The following NEK7 variants were observed in gnomAD, a reference collection of about 807,000 sequenced individuals.
The protein encoded by NEK7 is serine/threonine-protein kinase Nek7.
In NEK7, 18 loss-of-function variants were observed where a neutral mutation model predicts 44.6. The observed-to-expected ratio is 0.40, with a 90% CI of 0.28 to 0.60. The LOEUF (loss-of-function observed/expected upper bound fraction) is 0.60. NEK7 is among the 20% of genes least tolerant of loss of function. The probability of loss-of-function intolerance (pLI) is 0.38; values close to 1 mark genes in which losing one functional copy is unlikely to be tolerated. For synonymous variants in NEK7, 130 were observed against 121.1 expected (o/e 1.07, Z -0.48); for missense variants, 256 against 366.5 (o/e 0.70, Z 2.46).
At chr1:198,186,178 G>T (rs927960094) in intron 1 of NEK7, among the ~76,000 whole-genome samples, 2 of 152,096 alleles carry the variant, frequency 1.3e-5, no homozygotes, top group Non-Finnish European at 2.9e-5. Context: ...GGATGTATTT[G>T]AAATTATTTC....
At chr1:198,307,993 C>T (rs558134977) in intron 9 of NEK7, among the ~76,000 whole-genome samples, 1 of 152,226 alleles carries the variant, frequency 6.6e-6, no homozygotes, top group African/African-American at 2.4e-5. Context: ...TGGGTTCCAA[C>T]TCAAGTTCCA....
chr1:198,283,639 CTTA>C (rs1276941044), intron 7 of NEK7, among the ~76,000 whole-genome samples: 16 of 151,938 alleles, frequency 1.1e-4, no homozygotes, highest in Non-Finnish European at 2.1e-4. Context: ...TGAATTTTGC[CTTA>C]TTATTTGTCA....
At chr1:198,246,688 T>G (rs999960523) in intron 2 of NEK7, among the ~76,000 whole-genome samples, 10 of 152,274 alleles carry the variant, frequency 6.6e-5, no homozygotes, top group Non-Finnish European at 1.5e-4. Context: ...AAGACTTTGC[T>G]CTCAGCATGC....
chr1:198,278,694 T>C (rs1408179665), intron 6 of NEK7, among the ~76,000 whole-genome samples: 1 of 151,770 alleles, frequency 6.6e-6, no homozygotes. Context: ...TTTTTGAAAA[T>C]GGAAAACAAA....
intron 1 of NEK7, among the ~76,000 whole-genome samples, chr1:198,207,603 G>T (rs1011514611): frequency 6.6e-6 from 1 of 152,106 alleles, no homozygotes; most frequent in East Asian, 1.9e-4. Flanking sequence ...TATTCAAAAG[G>T]CTTCATTTAT....
At chr1:198,182,118 G>T (rs558704112) in intron 1 of NEK7, among the ~76,000 whole-genome samples, 1 of 152,194 alleles carries the variant, frequency 6.6e-6, no homozygotes, top group African/African-American at 2.4e-5. Context: ...GAAGTGAATA[G>T]CAGGGCATCA....
intron 7 of NEK7, among the ~76,000 whole-genome samples, chr1:198,289,855 A>T (rs978152120): frequency 1.3e-5 from 2 of 152,336 alleles, no homozygotes; most frequent in African/African-American, 4.8e-5. Context: ...GATAAAGATT[A>T]GAATATATTT....
intron 2 of NEK7, among the ~76,000 whole-genome samples, chr1:198,250,161 C>G (rs1194245894): frequency 5.5e-4 from 82 of 150,132 alleles, no homozygotes; most frequent in African/African-American, 1.9e-3. Flanking sequence ...GCTTGTTTTT[C>G]TCAGGTTTGT....
chr1:198,238,972 T>C (rs985678755), intron 2 of NEK7, among the ~76,000 whole-genome samples: 7 of 152,202 alleles, frequency 4.6e-5, no homozygotes, highest in African/African-American at 1.7e-4. Flanking sequence ...CTTATACTCA[T>C]GTTTAGGCAT....
rs190563551 is a variant in NEK7, at chr1:198,303,504, A to G, written c.798+6264A>G. Among the ~76,000 whole-genome samples the G allele has an allele frequency of 2.0e-3, 299 of 152,208 alleles. 2 individuals are homozygous for G. The highest frequency in any genetic ancestry group is 0.01 in the Middle Eastern group (3 of 294). ...TATGTAAATATGAAAAAAAAACAAG[A>G]TGAAAGTGTCAGGTAGAGATTATTT... On this transcript the variant is annotated intron_variant, in intron 9 of 9. Coordinates refer to ENST00000367385, the MANE Select transcript of NEK7 (RefSeq NM_133494.3).
At position 198,312,626 on chromosome 1, in the gene NEK7, C is replaced by A. The variant is rs529776289; in HGVS notation, c.799-6786C>A. 6.6e-4 allele frequency among the ~76,000 whole-genome samples: 100 copies of A among 151,764 alleles called. No individual in the cohort carries two copies. The Middle Eastern group carries it at 0.02, about 31-fold the overall frequency. On this transcript the variant is annotated intron_variant, in intron 9 of 9. Transcript: ENST00000367385. Reference sequence around the variant, plus strand: ...CTGCTTTAAATGAGTCCCAGAGATTCTTGTATGTTGTGTCTTTGTTCTCGT... The same window carrying A: ...CTGCTTTAAATGAGTCCCAGAGATTATTGTATGTTGTGTCTTTGTTCTCGT...
intron 3 of NEK7, among the ~76,000 whole-genome samples, chr1:198,261,478 A>G (rs1410919082): frequency 1.3e-5 from 2 of 151,992 alleles, no homozygotes; most frequent in African/African-American, 4.8e-5. Context: ...GTAGTGTCTA[A>G]TAACTACTTC....
In NEK7 at chr1:198,252,552, ATATATATATATATAT is replaced by A. The variant is rs1558079181; in HGVS notation, c.58-487_58-473del. Reference sequence around the variant, plus strand: ...ACTATATATATATATATATATATATATATATATATATATATAAAAAGTACATATATACACATATAT... The same window carrying A: ...ACTATATATATATATATATATATATAAAAAAGTACATATATACACATATAT... On this transcript the variant is annotated intron_variant, in intron 2 of 9. Coordinates refer to ENST00000367385, the MANE Select transcript of NEK7 (RefSeq NM_133494.3). Among the ~76,000 whole-genome samples the A allele has an allele frequency of 2.4e-4, 15 of 61,340 alleles. No individual in the cohort carries two copies. The East Asian group carries it at 3.0e-3, about 12-fold the overall frequency. The allele number at this position is 61,340 out of a possible 152,430, so 40.2% of individuals were successfully genotyped here. A position where few individuals can be genotyped will look rare whatever the true frequency, so the allele number is the denominator to read the frequency against.
intron 1 of NEK7, among the ~76,000 whole-genome samples, chr1:198,212,360 C>T (rs1665798243): frequency 6.6e-6 from 1 of 152,186 alleles, no homozygotes; most frequent in South Asian, 2.1e-4. Flanking sequence ...CACAGGCTGC[C>T]TGGAATTCAG....
At chr1:198,215,587 C>T (rs1348627887) in intron 1 of NEK7, among the ~76,000 whole-genome samples, 1 of 152,026 alleles carries the variant, frequency 6.6e-6, no homozygotes, top group Non-Finnish European at 1.5e-5. Flanking sequence ...AAAGATTGGA[C>T]ACCTCTTAAC....
intron 7 of NEK7, among the ~76,000 whole-genome samples, chr1:198,287,409 A>C (rs1422913589): frequency 6.6e-6 from 1 of 152,096 alleles, no homozygotes; most frequent in Non-Finnish European, 1.5e-5. Context: ...AAAAACAAAA[A>C]CAAACAAAAA....
chr1:198,157,462 G>C (rs1028321454), intron 1 of NEK7, among the ~76,000 whole-genome samples, 186 bp downstream of exon 1: 2 of 152,210 alleles, frequency 1.3e-5, no homozygotes, highest in African/African-American at 4.8e-5. Context: ...GGTCTTGTTC[G>C]TTGGCAGCGG....
intron 1 of NEK7, among the ~76,000 whole-genome samples, chr1:198,207,397 T>A (rs574115254): frequency 6.6e-6 from 1 of 152,172 alleles, no homozygotes; most frequent in African/African-American, 2.4e-5. Context: ...TGAAAACTTA[T>A]GTATGGACTG....
chr1:198,203,429 C>T (rs1665496943), intron 1 of NEK7, among the ~76,000 whole-genome samples: 2 of 152,206 alleles, frequency 1.3e-5, no homozygotes, highest in South Asian at 4.1e-4. Context: ...CAGGAATAGA[C>T]TTTATCTTCA....
Sources: gnomAD v4.1 joint callset for allele counts (sites outside exome capture counted in the v4.1 genomes callset) on GRCh38, gnomAD v4.1.1 for gene constraint, MANE v1.5 for transcripts, NCBI Gene and HGNC (gene_info 2026-07-23, HGNC 2026-07-21) for gene names.